The following ST8SIA1 variants were observed in gnomAD, a reference collection of about 807,000 sequenced individuals.
ST8SIA1 encodes alpha-N-acetylneuraminide alpha-2,8-sialyltransferase.
Under a neutral mutation model 35.9 loss-of-function variants are expected in ST8SIA1, and 16 were observed. The observed-to-expected ratio is 0.45, with a 90% confidence interval of 0.30 to 0.68. The LOEUF (loss-of-function observed/expected upper bound fraction) is 0.68. Ranked by LOEUF, ST8SIA1 falls within the 30% of genes least tolerant of loss-of-function variation. The probability of loss-of-function intolerance (pLI) is 0.09; values close to 1 mark genes in which losing one functional copy is unlikely to be tolerated. For missense variants in ST8SIA1, 383 were observed against 453.6 expected (o/e 0.84, Z 1.41); for synonymous variants, 170 against 169.6 (o/e 1.00, Z -0.02).
Position 22,201,328 on chromosome 12 carries a change from G to A in ST8SIA1, c.*224C>T. The A allele has an allele frequency of 6.2e-6, 3 of 487,538 alleles. No homozygotes were observed. The highest frequency in any genetic ancestry group is 1.0e-5 in the Non-Finnish European group (3 of 289,014). 30.2% of individuals were successfully genotyped at this position (487,538 alleles called of 1,614,324 possible). A position where few individuals can be genotyped will look rare whatever the true frequency, so the allele number is the denominator to read the frequency against. On this transcript the variant is annotated 3_prime_UTR_variant, in exon 5 of 5. Coordinates refer to ENST00000396037, the MANE Select transcript of ST8SIA1 (RefSeq NM_003034.4). Reference sequence around the variant, plus strand: ...GCATTTCACCAGCATTTTACTAGTTGCAAATCTGCCATGTGCTATAAAGTA... The same window carrying A: ...GCATTTCACCAGCATTTTACTAGTTACAAATCTGCCATGTGCTATAAAGTA...
chr12:22,261,183 C>T (rs752006760), intron 2 of ST8SIA1, among the ~76,000 whole-genome samples: 46 of 152,156 alleles, frequency 3.0e-4, no homozygotes, highest in Non-Finnish European at 5.3e-4. Context: ...CTTGTTCTGT[C>T]ACCCAGGCTG....
intron 1 of ST8SIA1, among the ~76,000 whole-genome samples, chr12:22,332,014 G>T (rs1866773205): frequency 6.6e-6 from 1 of 152,104 alleles, no homozygotes; most frequent in Non-Finnish European, 1.5e-5. Flanking sequence ...AAGAAAGCCA[G>T]GACTCAAAAA....
At chr12:22,262,573 T>C (rs768066075) in intron 2 of ST8SIA1, among the ~76,000 whole-genome samples, 6 of 152,184 alleles carry the variant, frequency 3.9e-5, no homozygotes, top group Non-Finnish European at 8.8e-5. Flanking sequence ...AGCACATGAG[T>C]TAACCACCAT....
intron 1 of ST8SIA1, among the ~76,000 whole-genome samples, chr12:22,297,415 T>G (rs1007632546): frequency 6.6e-6 from 1 of 151,282 alleles, no homozygotes; most frequent in Admixed American, 6.6e-5. Context: ...AGATCCTAAT[T>G]GTCTCTTTCA....
At chr12:22,278,092 A>C (rs1016221766) in intron 2 of ST8SIA1, among the ~76,000 whole-genome samples, 3 of 152,208 alleles carry the variant, frequency 2.0e-5, no homozygotes, top group Admixed American at 6.5e-5. Flanking sequence ...TTTTACTTAC[A>C]TAGAATCATG....
At chr12:22,266,848 T>TATATACAC (rs1555158440) in intron 2 of ST8SIA1, among the ~76,000 whole-genome samples, 147 of 145,046 alleles carry the variant, frequency 1.0e-3, no homozygotes, top group African/African-American at 3.7e-3. Context: ...CACAAAAGTA[T>TATATACAC]ACACACACAC....
intron 1 of ST8SIA1, among the ~76,000 whole-genome samples, chr12:22,297,659 C>T (rs1239455285): frequency 1.3e-5 from 2 of 152,062 alleles, no homozygotes; most frequent in Non-Finnish European, 2.9e-5. Flanking sequence ...TGTCAACAAC[C>T]TTTAACTGAC....
chr12:22,264,261 C>T (rs1865822872), intron 2 of ST8SIA1, among the ~76,000 whole-genome samples: 1 of 152,146 alleles, frequency 6.6e-6, no homozygotes, highest in African/African-American at 2.4e-5. Context: ...CACTGCCCTG[C>T]TCCAGGACCT....
chr12:22,217,869 G>C (rs1865251768), intron 4 of ST8SIA1, among the ~76,000 whole-genome samples: 2 of 152,160 alleles, frequency 1.3e-5, no homozygotes, highest in Non-Finnish European at 2.9e-5. Flanking sequence ...TAAATTAATA[G>C]GAAACCACTT....
chr12:22,232,052 G>T (rs1264532644), intron 4 of ST8SIA1, among the ~76,000 whole-genome samples: 1 of 152,158 alleles, frequency 6.6e-6, no homozygotes, highest in East Asian at 1.9e-4. Flanking sequence ...CCAGCAGGAA[G>T]GAACAAATCT....
intron 3 of ST8SIA1, among the ~76,000 whole-genome samples, chr12:22,250,125 G>GC (rs1865653123): frequency 6.6e-6 from 1 of 152,090 alleles, no homozygotes; most frequent in East Asian, 1.9e-4. Context: ...ACCCCACCCT[G>GC]CCCCAGTTGC....
intron 1 of ST8SIA1, among the ~76,000 whole-genome samples, chr12:22,321,755 TA>T: frequency 6.6e-6 from 1 of 152,256 alleles, no homozygotes; most frequent in Non-Finnish European, 1.5e-5. Context: ...TAGGAAACAA[TA>T]AAGTGACTGT....
chr12:22,308,655 A>G (rs1866412641), intron 1 of ST8SIA1, among the ~76,000 whole-genome samples: 1 of 152,142 alleles, frequency 6.6e-6, no homozygotes, highest in Non-Finnish European at 1.5e-5. Flanking sequence ...CCTCCAGTCC[A>G]TTACCTCTAC....
chr12:22,203,116 A>G (rs1050364272), intron 4 of ST8SIA1, among the ~76,000 whole-genome samples: 2 of 152,202 alleles, frequency 1.3e-5, no homozygotes, highest in Non-Finnish European at 2.9e-5. Context: ...AATAGAATAG[A>G]AGATTACCTT....
At chr12:22,320,555 A>G (rs1215852342) in intron 1 of ST8SIA1, among the ~76,000 whole-genome samples, 1 of 152,272 alleles carries the variant, frequency 6.6e-6, no homozygotes, top group East Asian at 1.9e-4. Context: ...TCACCTGTAA[A>G]GAAGTGAAGC....
At chr12:22,312,667 ATTGT>A (rs1213353627) in intron 1 of ST8SIA1, among the ~76,000 whole-genome samples, 1 of 151,050 alleles carries the variant, frequency 6.6e-6, no homozygotes, top group Non-Finnish European at 1.5e-5. Flanking sequence ...GCAAAAGCAG[ATTGT>A]TTGTATTTGG....
chr12:22,304,707 T>C (rs1866362728), intron 1 of ST8SIA1, among the ~76,000 whole-genome samples: 1 of 152,238 alleles, frequency 6.6e-6, no homozygotes, highest in Non-Finnish European at 1.5e-5. Flanking sequence ...AAAAACCTTT[T>C]TTAAAGTGCA....
At chr12:22,213,187 CT>C (rs1865194053) in intron 4 of ST8SIA1, among the ~76,000 whole-genome samples, 2 of 152,130 alleles carry the variant, frequency 1.3e-5, no homozygotes, top group Non-Finnish European at 2.9e-5. Flanking sequence ...CCCTAGCCCC[CT>C]GCCCACCAAA....
At chr12:22,265,819 C>T (rs990845706) in intron 2 of ST8SIA1, among the ~76,000 whole-genome samples, 1 of 151,954 alleles carries the variant, frequency 6.6e-6, no homozygotes, top group Non-Finnish European at 1.5e-5. Flanking sequence ...CTAGTTCTTG[C>T]CTATCATCAA....
Sources: gnomAD v4.1 joint callset for allele counts (sites outside exome capture counted in the v4.1 genomes callset) on GRCh38, gnomAD v4.1.1 for gene constraint, MANE v1.5 for transcripts, NCBI Gene and HGNC (gene_info 2026-07-23, HGNC 2026-07-21) for gene names.